SCARA3: variants seen among roughly 807,000 people sequenced by gnomAD.
SCARA3 encodes cellular stress response gene protein.
In SCARA3, 39 loss-of-function variants were observed where a neutral mutation model predicts 47.0. The ratio of observed to expected loss-of-function variants is 0.83; its 90% CI spans 0.64 to 1.08. The LOEUF is 1.08. SCARA3 is among the 50% of genes least tolerant of loss of function. The probability of loss-of-function intolerance (pLI) is 0.00; values close to 1 mark genes in which losing one functional copy is unlikely to be tolerated. For synonymous variants in SCARA3, 356 were observed against 334.1 expected, an observed-to-expected ratio of 1.07 and a Z score of -0.71; for missense variants, 724 against 792.3, an observed-to-expected ratio of 0.91 and a Z score of 1.04.
rs537357953 is a variant in SCARA3, at chr8:27,638,436, C to T, written c.7+4229C>T. Among the ~76,000 whole-genome samples the T allele has an allele frequency of 3.3e-5, 5 of 152,074 alleles. No individual in the cohort carries two copies. The South Asian group carries it at 1.0e-3, about 32-fold the overall frequency. ...GTCCCTGGTACTCCCTGGGGTCAGT[C>T]CCCTCATCCAGGTGGACCAGATGAT... is the stretch of plus-strand genomic sequence containing the variant. On this transcript the variant is annotated intron_variant, in intron 1 of 5. Transcript: ENST00000301904.
intron 1 of SCARA3, among the ~76,000 whole-genome samples, chr8:27,636,023 C>T (rs1483311916): frequency 5.3e-5 from 8 of 152,198 alleles, no homozygotes; most frequent in African/African-American, 7.2e-5. Flanking sequence ...CTAGGCTCTG[C>T]GGGATGAGCC....
the SCARA3 span, among the ~76,000 whole-genome samples, chr8:27,684,953 C>A: frequency 1.3e-5 from 2 of 151,736 alleles, no homozygotes; most frequent in African/African-American, 4.8e-5. Flanking sequence ...TGTACCAGAA[C>A]ACACACAAAG....
chr8:27,730,996 C>T, the SCARA3 span, among the ~76,000 whole-genome samples: 1 of 151,020 alleles, frequency 6.6e-6, no homozygotes, highest in Non-Finnish European at 1.5e-5. Context: ...TCCTCCAGGA[C>T]CTCCTGGGCT....
chr8:27,698,955 A>G, the SCARA3 span, among the ~76,000 whole-genome samples: 1 of 152,124 alleles, frequency 6.6e-6, no homozygotes, highest in Admixed American at 6.5e-5. Context: ...CATTAATAAG[A>G]CGTTCATGGC....
At chr8:27,675,904 G>T (rs1361569450), downstream of SCARA3, among the ~76,000 whole-genome samples, 3 of 152,070 alleles carry the variant, frequency 2.0e-5, no homozygotes, top group East Asian at 5.8e-4. Context: ...GGTGTGGGGA[G>T]GTGGGGGAGG....
intron 2 of SCARA3, 74 bp from the exon 3 acceptor site, chr8:27,651,434 G>C: frequency 6.4e-7 from 1 of 1,551,622 alleles, no homozygotes; most frequent in Non-Finnish European, 8.7e-7. Context: ...ACCAGAGCAG[G>C]AACATGGAAC....
intron 5 of SCARA3, among the ~76,000 whole-genome samples, chr8:27,662,056 T>C (rs1311213786): frequency 1.3e-5 from 2 of 152,186 alleles, no homozygotes; most frequent in African/African-American, 4.8e-5. Flanking sequence ...TAACTTCCTG[T>C]TCAATGGAAT....
chr8:27,633,644 G>A (rs1333398022), upstream of SCARA3, among the ~76,000 whole-genome samples: 1 of 152,164 alleles, frequency 6.6e-6, no homozygotes, highest in African/African-American at 2.4e-5. Context: ...AGGACGCCGC[G>A]GGAGCCCGGG....
intron 5 of SCARA3, among the ~76,000 whole-genome samples, chr8:27,660,846 A>AGCTAGCTAGC (rs10700852): frequency 8.8e-5 from 5 of 56,594 alleles, no homozygotes; most frequent in African/African-American, 1.4e-4. Flanking sequence ...AGCTAGCTAG[A>AGCTAGCTAGC]TAGATAGATA....
At chr8:27,635,630 T>G (rs1801234357) in intron 1 of SCARA3, among the ~76,000 whole-genome samples, 2 of 151,802 alleles carry the variant, frequency 1.3e-5, no homozygotes, top group South Asian at 4.2e-4. Context: ...GATTTTTTTT[T>G]TTTTTGATAG....
At chr8:27,676,666 C>A, downstream of SCARA3, 1 of 950,234 alleles carries the variant, frequency 1.1e-6, no homozygotes, top group Non-Finnish European at 1.7e-6. Flanking sequence ...TGTTTACTAT[C>A]CTTAATGGTA....
At chr8:27,692,086 C>T in the SCARA3 span, among the ~76,000 whole-genome samples, 2 of 152,114 alleles carry the variant, frequency 1.3e-5, no homozygotes, top group African/African-American at 4.8e-5. Flanking sequence ...ACCCTCCTCC[C>T]TTTGGAATTC....
the SCARA3 span, among the ~76,000 whole-genome samples, chr8:27,698,440 A>G: frequency 6.6e-6 from 1 of 152,228 alleles, no homozygotes; most frequent in African/African-American, 2.4e-5. Context: ...GGAAGTCTAA[A>G]TGTTTTCCCT....
At chr8:27,663,214 C>T (rs533132941) in intron 5 of SCARA3, among the ~76,000 whole-genome samples, 11 of 152,382 alleles carry the variant, frequency 7.2e-5, no homozygotes, top group Middle Eastern at 3.4e-3. Context: ...ATCTTTCCCA[C>T]TGTCCTTCAG....
At chr8:27,670,389 G>C (rs1175940656) in intron 5 of SCARA3, among the ~76,000 whole-genome samples, 1 of 152,210 alleles carries the variant, frequency 6.6e-6, no homozygotes, top group African/African-American at 2.4e-5. Flanking sequence ...TGGGTGATCA[G>C]GGTGGGCTTC....
At chr8:27,642,984 A>G (rs1801415365) in intron 1 of SCARA3, among the ~76,000 whole-genome samples, 1 of 152,036 alleles carries the variant, frequency 6.6e-6, no homozygotes. Context: ...TTGAGTGAGT[A>G]GCCTAGGTTC....
the SCARA3 span, among the ~76,000 whole-genome samples, chr8:27,689,631 A>G: frequency 4.6e-5 from 7 of 152,146 alleles, no homozygotes; most frequent in Non-Finnish European, 8.8e-5. Context: ...TAATTTTTCT[A>G]GAAGCTGGGA....
At chr8:27,714,418 C>T in the SCARA3 span, among the ~76,000 whole-genome samples, 3 of 152,024 alleles carry the variant, frequency 2.0e-5, no homozygotes, top group Admixed American at 6.5e-5. Context: ...TAGTCTTGAA[C>T]TCCTGACCTT....
intron 1 of SCARA3, among the ~76,000 whole-genome samples, chr8:27,647,313 C>T (rs1468598739): frequency 3.9e-5 from 6 of 152,172 alleles, no homozygotes; most frequent in Non-Finnish European, 8.8e-5. Flanking sequence ...CTCTGTCTCT[C>T]AGACTAGTTG....
Sources: gnomAD v4.1 joint callset for allele counts (sites outside exome capture counted in the v4.1 genomes callset) on GRCh38, gnomAD v4.1.1 for gene constraint, MANE v1.5 for transcripts, NCBI Gene and HGNC (gene_info 2026-07-23, HGNC 2026-07-21) for gene names.